The following VPS35L variants were observed in gnomAD, a reference collection of about 807,000 sequenced individuals.
VPS35L encodes the protein VPS35 endosomal protein-sorting factor-like.
In VPS35L, 83 loss-of-function variants were observed where a neutral mutation model predicts 133.0. That is an observed-to-expected ratio of 0.62 (90% CI 0.52 to 0.75). The LOEUF (loss-of-function observed/expected upper bound fraction) is 0.75. Among genes scored for constraint, VPS35L ranks in the 30% least tolerant of loss-of-function variants. The probability of loss-of-function intolerance (pLI) is 0.00; values close to 1 mark genes in which losing one functional copy is unlikely to be tolerated. For synonymous variants in VPS35L, 423 were observed against 449.9 expected, an observed-to-expected ratio of 0.94 and a Z score of 0.76; for missense variants, 1,083 against 1,206.8, an observed-to-expected ratio of 0.90 and a Z score of 1.52.
At chr16:19,652,746 T>G (rs1974174725) in intron 26 of VPS35L, 1 of 152,242 alleles carries the variant, frequency 6.6e-6, no homozygotes, top group Non-Finnish European at 1.5e-5. Flanking sequence ...CATGTTTGTT[T>G]GTTGTTGTTG....
intron 28 of VPS35L, among the ~76,000 whole-genome samples, chr16:19,685,566 T>C (rs1272866601): frequency 6.6e-6 from 1 of 152,180 alleles, no homozygotes; most frequent in African/African-American, 2.4e-5. Context: ...TGCTGGCTCA[T>C]AGGATCTGCT....
At chr16:19,616,278 A>G (rs886968390) in intron 13 of VPS35L, 87 bp downstream of exon 13, 2 of 1,143,482 alleles carry the variant, frequency 1.7e-6, no homozygotes, top group East Asian at 2.3e-5. Flanking sequence ...CCAAGTGGAG[A>G]ATGCCTTAAA....
chr16:19,607,925 G>C (rs115034973), intron 9 of VPS35L: 5,300 of 406,568 alleles, frequency 0.013, 212 homozygotes, highest in African/African-American at 0.088. Context: ...ATAAAACTAC[G>C]TACCTCAGAG....
intron 28 of VPS35L, among the ~76,000 whole-genome samples, chr16:19,688,201 A>C (rs1339420640): frequency 6.6e-6 from 1 of 152,068 alleles, no homozygotes; most frequent in Non-Finnish European, 1.5e-5. Context: ...TGCTGGGATT[A>C]CAGGCGTGAG....
At chr16:19,608,767 A>G (rs1972616453) in intron 10 of VPS35L, 1 of 540,390 alleles carries the variant, frequency 1.9e-6, no homozygotes, top group East Asian at 2.8e-5. Context: ...AACGTATAAC[A>G]TTTCCCACAA....
At chr16:19,681,641 T>C (rs886280209) in intron 27 of VPS35L, among the ~76,000 whole-genome samples, 1 of 152,236 alleles carries the variant, frequency 6.6e-6, no homozygotes, top group Non-Finnish European at 1.5e-5. Flanking sequence ...GTTTAGCATC[T>C]GAGAAACACT....
intron 26 of VPS35L, among the ~76,000 whole-genome samples, chr16:19,656,884 A>T (rs897259304): frequency 6.6e-6 from 1 of 151,722 alleles, no homozygotes; most frequent in Non-Finnish European, 1.5e-5. Flanking sequence ...CTGATGAATT[A>T]TGCTAAAAAG....
intron 21 of VPS35L, among the ~76,000 whole-genome samples, chr16:19,641,958 C>T (rs1202306687): frequency 6.6e-6 from 1 of 152,184 alleles, no homozygotes; most frequent in Admixed American, 6.5e-5. Flanking sequence ...GCCCGTAATC[C>T]CAATACTTTG....
intron 5 of VPS35L, among the ~76,000 whole-genome samples, chr16:19,577,969 T>C (rs1340445295): frequency 2.0e-5 from 3 of 152,240 alleles, no homozygotes; most frequent in South Asian, 2.1e-4. Context: ...CATTTTGTTA[T>C]AGCAGCTCAA....
rs1820543689 is a variant in VPS35L, at chr16:19,642,392, C to T, written c.1785-4C>T. On this transcript the variant is annotated splice_region_variant and splice_polypyrimidine_tract_variant and intron_variant, in intron 21 of 30. Coordinates refer to ENST00000417362, the MANE Select transcript of VPS35L (RefSeq NM_020314.7). ...TTTGACTTTTATCTTTAAATGTCTC[C>T]TAGGCATCAACAAGAGCCCACCAAG... is the stretch of plus-strand genomic sequence containing the variant. 6.2e-7 allele frequency: 1 copy of T among 1,612,816 alleles called. No individual in the cohort carries two copies.
chr16:19,681,726 G>A (rs1001926007), intron 27 of VPS35L, among the ~76,000 whole-genome samples: 4 of 152,262 alleles, frequency 2.6e-5, no homozygotes, highest in South Asian at 2.1e-4. Flanking sequence ...GGCTGTTACC[G>A]TTGTTGAGCA....
rs1180404849 is a variant in VPS35L at position 19,656,962 on chromosome 16, G to GTTT, written c.2221+4891_2221+4893dup. Among the ~76,000 whole-genome samples, 762 of 109,512 alleles carry GTTT rather than the reference G, an allele frequency of 7.0e-3. 26 individuals are homozygous for GTTT. The highest frequency in any genetic ancestry group is 0.012 in the African/African-American group (327 of 28,128). The allele number at this position is 109,512 out of a possible 152,430, so 71.8% of individuals were successfully genotyped here. A position where few individuals can be genotyped will look rare whatever the true frequency, so the allele number is the denominator to read the frequency against. ...AGAGAGATAGTGGTCAAAAGAACTT[G>GTTT]TTTTTTTTTTTTTTTTTTTTTGAGG... On this transcript the variant is annotated intron_variant, in intron 26 of 30. Transcript: ENST00000417362.
At chr16:19,696,652 G>A (rs955938783) in intron 29 of VPS35L, among the ~76,000 whole-genome samples, 2 of 152,096 alleles carry the variant, frequency 1.3e-5, no homozygotes, top group Middle Eastern at 3.4e-3. Context: ...TATTTTTCTC[G>A]GTGTTTGAAT....
At chr16:19,691,521 G>C (rs1308997015) in intron 29 of VPS35L, 50 bp downstream of exon 29, 1 of 1,465,668 alleles carries the variant, frequency 6.8e-7, no homozygotes, top group Non-Finnish European at 9.6e-7. Context: ...GAAAGCACAA[G>C]TTTCCAGGGT....
At chr16:19,625,651 G>A in intron 14 of VPS35L, among the ~76,000 whole-genome samples, 1 of 152,110 alleles carries the variant, frequency 6.6e-6, no homozygotes, top group East Asian at 1.9e-4. Flanking sequence ...TGTGCCTGAT[G>A]CCAGGACCCT....
chr16:19,601,759 C>T (rs1329617741), intron 9 of VPS35L, 36 bp downstream of exon 9: 1 of 1,606,682 alleles, frequency 6.2e-7, no homozygotes, highest in Non-Finnish European at 8.5e-7. Flanking sequence ...GTCATTCTGC[C>T]CTGGAGTCAG....
chr16:19,581,344 T>G (rs1350502631), intron 6 of VPS35L, among the ~76,000 whole-genome samples, 181 bp from the exon 7 acceptor site: 1 of 152,108 alleles, frequency 6.6e-6, no homozygotes, highest in Non-Finnish European at 1.5e-5. Flanking sequence ...CTGTCCATCT[T>G]TGTCAGAAAA....
chr16:19,616,584 G>C, intron 13 of VPS35L, 102 bp from the exon 14 acceptor site: 1 of 1,425,706 alleles, frequency 7.0e-7, no homozygotes, highest in South Asian at 1.3e-5. Flanking sequence ...TCTCAGGGCT[G>C]TCCACATGCT....
chr16:19,683,220 G>A (rs1975348629), intron 28 of VPS35L, among the ~76,000 whole-genome samples: 1 of 152,166 alleles, frequency 6.6e-6, no homozygotes, highest in African/African-American at 2.4e-5. Flanking sequence ...ACCACACCTG[G>A]CCTTCCCTTC....
Sources: allele counts gnomAD v4.1 joint callset (sites outside exome capture counted in the v4.1 genomes callset), GRCh38; gene constraint gnomAD v4.1.1; transcripts MANE v1.5; gene names NCBI Gene and HGNC (gene_info 2026-07-23, HGNC 2026-07-21).